SCFD2: variants seen among roughly 807,000 people sequenced by gnomAD.
SCFD2 encodes sec1 family domain-containing protein 2.
Under a neutral mutation model 58.9 loss-of-function variants are expected in SCFD2, and 54 were observed. The ratio of observed to expected loss-of-function variants is 0.92; its 90% CI spans 0.74 to 1.15. SCFD2 has a LOEUF of 1.15. Ranked by LOEUF, SCFD2 falls within the 50% of genes most tolerant of loss-of-function variation. The probability of loss-of-function intolerance (pLI) is 0.00; values close to 1 mark genes in which losing one functional copy is unlikely to be tolerated. For synonymous variants in SCFD2, 321 were observed against 335.9 expected (o/e 0.96, Z 0.49); for missense variants, 805 against 836.6 (o/e 0.96, Z 0.47).
chr4:53,190,151 T>G (rs1249192909), intron 4 of SCFD2, among the ~76,000 whole-genome samples: 1 of 152,196 alleles, frequency 6.6e-6, no homozygotes, highest in Non-Finnish European at 1.5e-5. Flanking sequence ...CATCTTCTCC[T>G]TAGCCTTATC....
chr4:52,968,744 CT>C (rs1222627320), intron 5 of SCFD2, among the ~76,000 whole-genome samples: 1 of 151,808 alleles, frequency 6.6e-6, no homozygotes, highest in Non-Finnish European at 1.5e-5. Flanking sequence ...GTGTGTGTGT[CT>C]GGGTGCTGGT....
intron 5 of SCFD2, among the ~76,000 whole-genome samples, chr4:53,020,124 T>G (rs1722311092): frequency 6.6e-6 from 1 of 152,234 alleles, no homozygotes; most frequent in African/African-American, 2.4e-5. Flanking sequence ...TATTTTTGAA[T>G]AGGTAATAGC....
chr4:53,347,388 T>C (rs1399427419), intron 2 of SCFD2, among the ~76,000 whole-genome samples: 1 of 152,050 alleles, frequency 6.6e-6, no homozygotes, highest in Admixed American at 6.6e-5. Flanking sequence ...GACGCAGCAG[T>C]GAATAAATCA....
chr4:53,333,361 T>A (rs1394707848), intron 2 of SCFD2, among the ~76,000 whole-genome samples: 1 of 140,326 alleles, frequency 7.1e-6, no homozygotes, highest in Admixed American at 7.3e-5. Flanking sequence ...ACTACAAGGC[T>A]ACAGTAACCA....
At chr4:53,252,357 C>A (rs1056798480) in intron 4 of SCFD2, among the ~76,000 whole-genome samples, 16 of 150,962 alleles carry the variant, frequency 1.1e-4, no homozygotes, top group African/African-American at 3.6e-4. Flanking sequence ...CTACCAATGC[C>A]TTTCTTCACA....
chr4:53,347,482 C>CATAAATATTA (rs1433467225), intron 2 of SCFD2, among the ~76,000 whole-genome samples: 1 of 151,400 alleles, frequency 6.6e-6, no homozygotes, highest in Non-Finnish European at 1.5e-5. Flanking sequence ...CAAAATACAA[C>CATAAATATTA]ATAAATATTA....
chr4:53,346,272 T>C (rs1734055892), intron 2 of SCFD2, among the ~76,000 whole-genome samples: 1 of 139,416 alleles, frequency 7.2e-6, no homozygotes, highest in Non-Finnish European at 1.6e-5. Context: ...CAAATCTTTT[T>C]TTTTCTTTTT....
At chr4:53,338,382 C>A (rs1325868877) in intron 2 of SCFD2, among the ~76,000 whole-genome samples, 2 of 151,944 alleles carry the variant, frequency 1.3e-5, no homozygotes, top group South Asian at 2.1e-4. Flanking sequence ...ACTAAATAAA[C>A]CCCAAACAGA....
At chr4:52,926,560 C>T (rs1351163039) in intron 5 of SCFD2, among the ~76,000 whole-genome samples, 1 of 152,180 alleles carries the variant, frequency 6.6e-6, no homozygotes, top group Non-Finnish European at 1.5e-5. Context: ...CTAAAGGCCA[C>T]TCAGGCCCCT....
At chr4:52,977,548 C>A (rs1560499833) in intron 5 of SCFD2, among the ~76,000 whole-genome samples, 1 of 152,086 alleles carries the variant, frequency 6.6e-6, no homozygotes, top group Non-Finnish European at 1.5e-5. Context: ...AAGAAAGATA[C>A]AGGCATCTGG....
At chr4:53,325,377 A>G (rs1733158068) in intron 2 of SCFD2, among the ~76,000 whole-genome samples, 2 of 152,232 alleles carry the variant, frequency 1.3e-5, no homozygotes, top group African/African-American at 4.8e-5. Context: ...AACAAAAATA[A>G]TGATTGCACC....
chr4:53,351,432 TC>T (rs1734217011), intron 2 of SCFD2, among the ~76,000 whole-genome samples: 1 of 152,242 alleles, frequency 6.6e-6, no homozygotes, highest in Non-Finnish European at 1.5e-5. Context: ...GATACATTAA[TC>T]TTAACTTCAT....
At chr4:52,963,375 C>A (rs1365508048) in intron 5 of SCFD2, among the ~76,000 whole-genome samples, 1 of 152,216 alleles carries the variant, frequency 6.6e-6, no homozygotes, top group Non-Finnish European at 1.5e-5. Flanking sequence ...AAAATGTTCA[C>A]ATATACTTCA....
At chr4:53,158,565 T>C (rs1239382697) in intron 4 of SCFD2, among the ~76,000 whole-genome samples, 2 of 152,048 alleles carry the variant, frequency 1.3e-5, no homozygotes, top group Non-Finnish European at 2.9e-5. Flanking sequence ...GTCTTGATGA[T>C]TTTTATATAT....
intron 3 of SCFD2, among the ~76,000 whole-genome samples, chr4:53,298,056 A>C (rs1732108543): frequency 1.3e-5 from 2 of 152,150 alleles, no homozygotes; most frequent in Admixed American, 1.3e-4. Flanking sequence ...TTTCCAACTG[A>C]GGTACCGGGC....
At chr4:53,257,732 T>C (rs1730690841) in intron 4 of SCFD2, among the ~76,000 whole-genome samples, 1 of 152,102 alleles carries the variant, frequency 6.6e-6, no homozygotes, top group Non-Finnish European at 1.5e-5. Context: ...CAACTCTGCC[T>C]TTGGAGATTA....
intron 5 of SCFD2, among the ~76,000 whole-genome samples, chr4:53,114,718 T>G (rs1725272260): frequency 6.6e-6 from 1 of 151,908 alleles, no homozygotes; most frequent in Non-Finnish European, 1.5e-5. Flanking sequence ...GGAAATCATA[T>G]CAGAAGGAAA....
chr4:53,075,252 T>C (rs138187702), intron 5 of SCFD2, among the ~76,000 whole-genome samples: 1 of 152,208 alleles, frequency 6.6e-6, no homozygotes, highest in East Asian at 1.9e-4. Context: ...TCAGCCTTGA[T>C]AGAATTGAAA....
At chr4:52,931,717 A>C (rs1312308473) in intron 5 of SCFD2, among the ~76,000 whole-genome samples, 1 of 152,220 alleles carries the variant, frequency 6.6e-6, no homozygotes, top group East Asian at 1.9e-4. Context: ...TTTCAGAATG[A>C]ATGGGCCAGT....
Sources: allele counts gnomAD v4.1 joint callset (sites outside exome capture counted in the v4.1 genomes callset), GRCh38; gene constraint gnomAD v4.1.1; transcripts MANE v1.5; gene names NCBI Gene and HGNC (gene_info 2026-07-23, HGNC 2026-07-21).